CCDC154: variants seen among roughly 807,000 people sequenced by gnomAD.
CCDC154 encodes the protein coiled-coil domain-containing protein 154.
CCDC154 carries 91 observed loss-of-function variants against 87.5 expected under a neutral mutation model. That is an observed-to-expected ratio of 1.04 (90% CI 0.88 to 1.24). The LOEUF (loss-of-function observed/expected upper bound fraction) is 1.24, where lower values mean the gene tolerates loss of function less well. Ranked by LOEUF, CCDC154 falls within the 50% of genes most tolerant of loss-of-function variation. The pLI, the probability that CCDC154 is intolerant of heterozygous loss-of-function variation, is 0.00. For missense variants in CCDC154, 903 were observed against 879.2 expected (o/e 1.03, Z -0.34); for synonymous variants, 418 against 400.4 (o/e 1.04, Z -0.52).
rs1168130922 is a variant in CCDC154, at chr16:1,436,703, G to A, written c.1399C>T (p.Leu467Phe). ...GTGCCTTCGCCCACCTGCTGGGGGA[G>A]GCCATCCACCTTCTCCCGCACCCCT... Reference protein sequence around the residue: ...LRGVREKVDGLPQQIESVSDK... With the variant: ...LRGVREKVDGFPQQIESVSDK... Residue 467 changes from leucine to phenylalanine, a missense_variant, in exon 12 of 17, where the codon CTC (leucine) becomes TTC (phenylalanine). Transcript: ENST00000389176. The A allele has an allele frequency of 6.5e-7, 1 of 1,550,232 alleles. No individual in the cohort carries two copies. Among genetic ancestry groups the A allele is most frequent in the Non-Finnish European group, 8.7e-7 (1 of 1,146,950 alleles).
chr16:1,443,844 G>T lies in CCDC154; in HGVS notation c.176C>A (p.Ser59Tyr), dbSNP rs776125516. Residue 59 changes from serine (S) to tyrosine (Y), a missense_variant, in exon 2 of 17, where the codon TCT becomes TAT. Ser to Tyr is a moderately radical substitution (Grantham distance 144). Coordinates refer to ENST00000389176, the MANE Select transcript of CCDC154 (RefSeq NM_001143980.3). Reference sequence around the variant, plus strand: ...CTTGGCGGTGTCCTGCTCGGGGACAGAGGCCGTGGATGTCGGATGGCTGGA... The same window carrying T: ...CTTGGCGGTGTCCTGCTCGGGGACATAGGCCGTGGATGTCGGATGGCTGGA... ...YESSHPTSTA[S>Y]VPEQDTAKHW... 1.0e-5 allele frequency: 13 copies of T among 1,304,310 alleles called. No individual in the cohort carries two copies. The African/African-American group carries it at 1.8e-4, about 18-fold the overall frequency. 80.8% of individuals were successfully genotyped at this position (1,304,310 alleles called of 1,614,324 possible).
Position 1,435,151 on chromosome 16 carries a change from C to G in CCDC154, c.1630G>C (p.Glu544Gln). The change falls in exon 15 of 17, where the codon GAA (glutamate) becomes CAA (glutamine). Residue 544 changes from glutamate to glutamine, a missense_variant. Glu to Gln is a conservative substitution (Grantham distance 29). Coordinates refer to ENST00000389176, the MANE Select transcript of CCDC154 (RefSeq NM_001143980.3). Reference protein sequence around the residue: ...ATFQNQIMKLENCVQANKTIQ... With the variant: ...ATFQNQIMKLQNCVQANKTIQ... Reference sequence around the variant, plus strand: ...GTCTTGTTGGCCTGGACGCAGTTTTCCAGCTTCATTATTTGGTTCTGAAAC... The same window carrying G: ...GTCTTGTTGGCCTGGACGCAGTTTTGCAGCTTCATTATTTGGTTCTGAAAC... 6.4e-7 allele frequency: 1 copy of G among 1,550,546 alleles called. No homozygotes were observed.
In CCDC154 at chr16:1,439,091, C is replaced by T; in HGVS notation, c.711G>A (p.Leu237=). 6.5e-7 allele frequency: 1 copy of T among 1,550,260 alleles called. No individual in the cohort carries two copies. The highest frequency in any genetic ancestry group is 8.7e-7 in the Non-Finnish European group (1 of 1,146,896). The change falls in exon 7 of 17, where the codon CTG becomes CTA. Residue 237 remains leucine, a synonymous_variant. Coordinates refer to ENST00000389176, the MANE Select transcript of CCDC154 (RefSeq NM_001143980.3). The part of the protein sequence containing the change: ...QVTKLGEEVS[L]RFLKREAKLC... ...GCTTGGCCTCCCTCTTCAGGAAGCG[C>T]AGGCTCACCTCTTCGCCGAGCTTGG...
chr16:1,437,173 A>G (rs1309079645), intron 11 of CCDC154: 1 of 309,052 alleles, frequency 3.2e-6, no homozygotes, highest in Middle Eastern at 1.1e-3. Flanking sequence ...GCGCCTACGC[A>G]ATGCACGTTA....
In CCDC154 at chr16:1,444,305, G is replaced by GCT; in HGVS notation, c.7+9_7+10dup. On this transcript the variant is annotated intron_variant, in intron 1 of 16. Coordinates refer to ENST00000389176, the MANE Select transcript of CCDC154 (RefSeq NM_001143980.3). ...GCCCCTCCCTGGGCCCCGCTCCTCC[G>GCT]CTCTGGTCACCTGACATGGCTGCTG... is the stretch of plus-strand genomic sequence containing the variant. 7.7e-7 allele frequency: 1 copy of GCT among 1,302,204 alleles called. No homozygotes were observed. The highest frequency in any genetic ancestry group is 1.0e-6 in the Non-Finnish European group (1 of 988,838). 80.7% of individuals were successfully genotyped at this position (1,302,204 alleles called of 1,614,324 possible). A position where few individuals can be genotyped will look rare whatever the true frequency, so the allele number is the denominator to read the frequency against.
chr16:1,436,507 G>C lies in CCDC154; in HGVS notation c.1425C>G (p.Ser475=), dbSNP rs200290023. 1 of 1,548,918 alleles carries C rather than the reference G, an allele frequency of 6.5e-7. No homozygotes were observed. The highest frequency in any genetic ancestry group is 8.7e-7 in the Non-Finnish European group (1 of 1,146,938). ...DGLPQQIESV[S]DKCLLHKSDS... ...CGCTCTTATGAAGCAGGCACTTGTC[G>C]GAGACACTCTCTATCTGAACACAGA... Residue 475 remains serine, a synonymous_variant, in exon 13 of 17, where the codon TCC becomes TCG. Transcript: ENST00000389176.
chr16:1,442,856 C>T, intron 5 of CCDC154, 24 bp downstream of exon 5: 1 of 1,543,918 alleles, frequency 6.5e-7, no homozygotes. Context: ...GCTCCGGAGC[C>T]AGCCACGGGC....
intron 6 of CCDC154, among the ~76,000 whole-genome samples, chr16:1,442,163 G>A (rs1010449106): frequency 1.3e-5 from 2 of 152,116 alleles, no homozygotes; most frequent in East Asian, 1.9e-4. Flanking sequence ...TGATCTGCCC[G>A]CCTCAGCCTC....
chr16:1,443,608 C>A lies in CCDC154; in HGVS notation c.312G>T (p.Leu104=). ...ERATRSLLRE[L]LQVRARVQLQ... Reference sequence around the variant, plus strand: ...GCTGCACGCGGGCCCGCACCTGGAGCAGCTCCCGCAGCAGGCTCCGCGTGG... The same window carrying A: ...GCTGCACGCGGGCCCGCACCTGGAGAAGCTCCCGCAGCAGGCTCCGCGTGG... The change falls in exon 3 of 17, where the codon CTG becomes CTT. Residue 104 remains leucine (L), a synonymous_variant. Transcript: ENST00000389176. The A allele has an allele frequency of 7.0e-7, 1 of 1,429,728 alleles. No individual in the cohort carries two copies. The highest frequency in any genetic ancestry group is 9.2e-7 in the Non-Finnish European group (1 of 1,084,556). 88.6% of individuals were successfully genotyped at this position (1,429,728 alleles called of 1,614,324 possible). A position where few individuals can be genotyped will look rare whatever the true frequency, so the allele number is the denominator to read the frequency against.
intron 6 of CCDC154, among the ~76,000 whole-genome samples, chr16:1,441,672 G>A (rs73492023): frequency 0.011 from 1,697 of 152,302 alleles, 25 homozygotes; most frequent in African/African-American, 0.038. Flanking sequence ...CTGTGGACCC[G>A]GGCAGGCGCT....
intron 7 of CCDC154, 37 bp downstream of exon 7, chr16:1,438,988 G>A (rs1474478002): frequency 6.5e-7 from 1 of 1,549,546 alleles, no homozygotes; most frequent in African/African-American, 1.4e-5. Flanking sequence ...CGTCTGGGAA[G>A]GGGGGCAGGG....
At chr16:1,442,322 G>A in intron 6 of CCDC154, 84 bp downstream of exon 6, 1 of 1,405,512 alleles carries the variant, frequency 7.1e-7, no homozygotes, top group Non-Finnish European at 9.4e-7. Flanking sequence ...AACGGCCGCT[G>A]TATCGGATGG....
At chr16:1,438,236 C>A in intron 9 of CCDC154, 60 bp from the exon 10 acceptor site, 1 of 1,447,992 alleles carries the variant, frequency 6.9e-7, no homozygotes. Flanking sequence ...CAGCCCTGGG[C>A]CAGGGAGGGG....
rs1006726333 is a variant in CCDC154, at chr16:1,438,195, T to C, written c.1026-19A>G. The C allele has an allele frequency of 7.3e-6, 11 of 1,514,802 alleles. No homozygotes were observed. Among genetic ancestry groups the C allele is most frequent in the Non-Finnish European group, 9.7e-6 (11 of 1,128,464 alleles). The allele number at this position is 1,514,802 out of a possible 1,614,324, so 93.8% of individuals were successfully genotyped here. On this transcript the variant is annotated intron_variant, in intron 9 of 16. Coordinates refer to ENST00000389176, the MANE Select transcript of CCDC154 (RefSeq NM_001143980.3). ...GGCGTCCCTAGGGGTTGGGGACACA[T>C]AGACACCCTCAGTGGAGCCTGCCCA...
Position 1,434,508 on chromosome 16 carries a change from A to T in CCDC154, c.1904T>A (p.Ile635Lys). ...VRWLRWKASL[I>K]KLRALRRPGG... ...TGGCCTCCGCAGGGCCCTGAGCTTT[A>T]TGAGGGACGCCTTCCAGCGCAGCCA... Residue 635 changes from isoleucine (I) to lysine (K), a missense_variant, in exon 17 of 17, where the codon ATA (isoleucine) becomes AAA (lysine). By Grantham distance (102) the Ile-to-Lys change is moderately radical (BLOSUM62 -3). Coordinates refer to ENST00000389176, the MANE Select transcript of CCDC154 (RefSeq NM_001143980.3). 1 of 1,548,718 alleles carries T rather than the reference A, an allele frequency of 6.5e-7. No individual in the cohort carries two copies. The highest frequency in any genetic ancestry group is 8.7e-7 in the Non-Finnish European group (1 of 1,146,426).
chr16:1,442,899 C>A lies in CCDC154; in HGVS notation c.532G>T (p.Glu178Ter). 1 of 1,549,472 alleles carries A rather than the reference C, an allele frequency of 6.5e-7. No homozygotes were observed. Among genetic ancestry groups the A allele is most frequent in the Admixed American group, 2.0e-5 (1 of 51,004 alleles). ...VQQEAERRGA[E>*]QEAGLRLAKL... ...GCCCACCTGAGGCCGGCCTCTTGCT[C>A]GGCGCCCCTTCTCTCCGCCTCCTGT... The change falls in exon 5 of 17, where the codon GAG (glutamate) becomes TAG (stop). Residue 178 changes from glutamate (E) to a stop codon, truncating the protein, a stop_gained. Transcript: ENST00000389176. LOFTEE classifies it high-confidence loss of function.
intron 5 of CCDC154, 145 bp from the exon 6 acceptor site, chr16:1,442,674 C>G: frequency 9.2e-7 from 1 of 1,088,946 alleles, no homozygotes; most frequent in Non-Finnish European, 1.3e-6. Flanking sequence ...AACACAGCAC[C>G]GGTGGCAGGG....
chr16:1,438,471 G>T, intron 9 of CCDC154, 148 bp downstream of exon 9: 1 of 810,668 alleles, frequency 1.2e-6, no homozygotes, highest in Non-Finnish European at 2.0e-6. Context: ...AGGAGGGTTC[G>T]CACCATCCAG....
intron 9 of CCDC154, 132 bp from the exon 10 acceptor site, chr16:1,438,308 C>T (rs2038520374): frequency 8.6e-7 from 1 of 1,158,150 alleles, no homozygotes; most frequent in African/African-American, 1.6e-5. Flanking sequence ...GGGGTGCGGT[C>T]ACAGTGCCAC....
Sources: allele counts gnomAD v4.1 joint callset (sites outside exome capture counted in the v4.1 genomes callset), GRCh38; gene constraint gnomAD v4.1.1; transcripts MANE v1.5; gene names NCBI Gene and HGNC (gene_info 2026-07-23, HGNC 2026-07-21).